LDLRAP1: variants seen among roughly 807,000 people sequenced by gnomAD.
The protein encoded by LDLRAP1 is low density lipoprotein receptor adapter protein 1.
LDLRAP1 carries 30 observed loss-of-function variants against 37.8 expected under a neutral mutation model. That is an observed-to-expected ratio of 0.79 (90% CI 0.59 to 1.08). The LOEUF is 1.08. Among genes scored for constraint, LDLRAP1 ranks in the 50% least tolerant of loss-of-function variants. The probability of loss-of-function intolerance (pLI) is 0.00; values close to 1 mark genes in which losing one functional copy is unlikely to be tolerated. For synonymous variants in LDLRAP1, 156 were observed against 169.8 expected (o/e 0.92, Z 0.63); for missense variants, 375 against 401.6 (o/e 0.93, Z 0.57).
chr1:25,560,244 C>T (rs1241697492), intron 4 of LDLRAP1, among the ~76,000 whole-genome samples: 1 of 152,120 alleles, frequency 6.6e-6, no homozygotes, highest in African/African-American at 2.4e-5. Context: ...GGCCTTGAAT[C>T]GGGATGTTGA....
chr1:25,546,796 C>A (rs2043944627), intron 1 of LDLRAP1, among the ~76,000 whole-genome samples: 1 of 151,454 alleles, frequency 6.6e-6, no homozygotes, highest in Non-Finnish European at 1.5e-5. Context: ...TGTGGCCCAA[C>A]ACAAATTCAT....
At position 25,543,743 on chromosome 1, in the gene LDLRAP1, C is replaced by T. The variant is rs1057515534; in HGVS notation, c.45C>T (p.Pro15=). The change falls in exon 1 of 9, where the codon CCC becomes CCT. Residue 15 remains proline, a synonymous_variant. Transcript: ENST00000374338. ...KSAGRALIRS[P]SLAKQSWGGG... ...CGGGGCGGGCGCTGATCCGGAGCCC[C>T]AGCTTGGCCAAGCAGAGCTGGGGGG... is the stretch of plus-strand genomic sequence containing the variant. 4 of 1,212,518 alleles carry T rather than the reference C, an allele frequency of 3.3e-6. No individual in the cohort carries two copies. The highest frequency in any genetic ancestry group is 4.1e-6 in the Non-Finnish European group (4 of 975,596). The allele number at this position is 1,212,518 out of a possible 1,614,324, so 75.1% of individuals were successfully genotyped here. A position where few individuals can be genotyped will look rare whatever the true frequency, so the allele number is the denominator to read the frequency against.
chr1:25,563,073 AAG>A lies in LDLRAP1; in HGVS notation c.540_541del (p.Lys181GlufsTer39), dbSNP rs1252720524. 6.2e-7 allele frequency: 1 copy of A among 1,614,036 alleles called. No homozygotes were observed. Among genetic ancestry groups the A allele is most frequent in the South Asian group, 1.1e-5 (1 of 91,076 alleles). On this transcript the variant is annotated frameshift_variant, in exon 6 of 9. Transcript: ENST00000374338. LOFTEE classifies it high-confidence loss of function. ...ATGTTGTGCCTTGGTCCTGCAGAGA[AAG>A]AGAAGAGGGACAAAGCCAGCCAAGA... is the stretch of plus-strand genomic sequence containing the variant.
At chr1:25,572,187 C>G (rs2044613733), downstream of LDLRAP1, among the ~76,000 whole-genome samples, 1 of 152,224 alleles carries the variant, frequency 6.6e-6, no homozygotes, top group African/African-American at 2.4e-5. Flanking sequence ...GCCTCAGTGC[C>G]CAGCCTAGCA....
At chr1:25,564,884 C>G (rs2044435624) in intron 7 of LDLRAP1, 2 of 457,662 alleles carry the variant, frequency 4.4e-6, no homozygotes, top group East Asian at 3.8e-5. Context: ...AGTGACTTGC[C>G]CAAGGTCTCA....
the LDLRAP1 span, among the ~76,000 whole-genome samples, chr1:25,583,418 T>C: frequency 6.6e-6 from 1 of 152,044 alleles, no homozygotes; most frequent in East Asian, 1.9e-4. Context: ...GTCTCGAACT[T>C]CTGACCTCAA....
the LDLRAP1 span, among the ~76,000 whole-genome samples, chr1:25,583,374 G>T: frequency 4.0e-5 from 6 of 151,742 alleles, no homozygotes; most frequent in Non-Finnish European, 7.4e-5. Context: ...TACTTTTTTA[G>T]TAGAGATGGG....
chr1:25,557,732 G>A (rs776504259), intron 4 of LDLRAP1, among the ~76,000 whole-genome samples: 1 of 151,950 alleles, frequency 6.6e-6, no homozygotes, highest in Admixed American at 6.6e-5. Context: ...GGTGCCTCCT[G>A]TGAGTTCATT....
At chr1:25,578,208 G>A in the LDLRAP1 span, among the ~76,000 whole-genome samples, 1 of 152,190 alleles carries the variant, frequency 6.6e-6, no homozygotes, top group Non-Finnish European at 1.5e-5. Context: ...GGTGACCGTT[G>A]ACTAAAGACA....
At chr1:25,565,089 C>T in intron 7 of LDLRAP1, 84 bp from the exon 8 acceptor site, 2 of 1,481,958 alleles carry the variant, frequency 1.3e-6, no homozygotes, top group Admixed American at 1.7e-5. Flanking sequence ...GTCCCTGTAG[C>T]TTACCCAGGG....
At position 25,560,918 on chromosome 1, in the gene LDLRAP1, T is replaced by C. The variant is rs1195353612; in HGVS notation, c.460-1726T>C. Among the ~76,000 whole-genome samples the C allele has an allele frequency of 5.3e-5, 8 of 152,346 alleles. 1 individual carries two copies. The South Asian group carries it at 1.7e-3, about 32-fold the overall frequency. On this transcript the variant is annotated intron_variant, in intron 4 of 8. Transcript: ENST00000374338. Reference sequence around the variant, plus strand: ...CCCCAGGAAGCAGGGCCCACCCCACTCCCAGTCCCTGCCCAGCCTGGGCTT... The same window carrying C: ...CCCCAGGAAGCAGGGCCCACCCCACCCCCAGTCCCTGCCCAGCCTGGGCTT...
downstream of LDLRAP1, among the ~76,000 whole-genome samples, chr1:25,572,416 A>G (rs189266925): frequency 6.6e-6 from 1 of 152,116 alleles, no homozygotes; most frequent in African/African-American, 2.4e-5. Flanking sequence ...TCCGTCACAC[A>G]CAGCCGATGG....
intron 1 of LDLRAP1, among the ~76,000 whole-genome samples, chr1:25,547,422 G>T (rs2043960900): frequency 6.6e-6 from 1 of 152,008 alleles, no homozygotes; most frequent in Non-Finnish European, 1.5e-5. Context: ...GGCAGAGGTT[G>T]CAGTGAGCCG....
the LDLRAP1 span, among the ~76,000 whole-genome samples, chr1:25,576,920 G>C: frequency 6.6e-6 from 1 of 152,222 alleles, no homozygotes; most frequent in Non-Finnish European, 1.5e-5. Flanking sequence ...CTGAGACACA[G>C]ACCCAAGGAG....
Position 25,543,688 on chromosome 1 carries a change from C to G in LDLRAP1, c.-11C>G. 2 of 1,214,606 alleles carry G rather than the reference C, an allele frequency of 1.6e-6. No homozygotes were observed. The highest frequency in any genetic ancestry group is 1.0e-6 in the Non-Finnish European group (1 of 977,144). 75.2% of individuals were successfully genotyped at this position (1,214,606 alleles called of 1,614,324 possible). A position where few individuals can be genotyped will look rare whatever the true frequency, so the allele number is the denominator to read the frequency against. On this transcript the variant is annotated 5_prime_UTR_variant, in exon 1 of 9. Transcript: ENST00000374338. The stretch of plus-strand genomic sequence containing the variant: ...TGGCTGCGGCAGCGGCGGCGGCGGC[C>G]GGAGCGGGCCATGGACGCGCTCAAG...
chr1:25,562,881 G>A lies in LDLRAP1; in HGVS notation c.532+165G>A, dbSNP rs1572051815. On this transcript the variant is annotated intron_variant, in intron 5 of 8. Transcript: ENST00000374338. ...TCTCGGTTTTCCCATCTGAAAAATG[G>A]GAACAGCCGTCTCCCTCCCCAAAGG... 1.1e-5 allele frequency: 9 copies of A among 808,998 alleles called. No homozygotes were observed. In the East Asian group the frequency reaches 2.4e-4, roughly 21 times the overall value. 50.1% of individuals were successfully genotyped at this position (808,998 alleles called of 1,614,324 possible).
the LDLRAP1 span, among the ~76,000 whole-genome samples, chr1:25,589,348 G>A: frequency 6.6e-6 from 1 of 151,350 alleles, no homozygotes; most frequent in African/African-American, 2.5e-5. Context: ...AAGGGCTGGG[G>A]GTGAGCAACA....
At chr1:25,578,844 T>C in the LDLRAP1 span, among the ~76,000 whole-genome samples, 2 of 152,300 alleles carry the variant, frequency 1.3e-5, no homozygotes, top group South Asian at 2.1e-4. Flanking sequence ...TTAAAGAATA[T>C]AGTGACTCAG....
chr1:25,557,932 C>T (rs752713581), intron 4 of LDLRAP1, among the ~76,000 whole-genome samples: 19 of 151,904 alleles, frequency 1.3e-4, no homozygotes, highest in Non-Finnish European at 2.6e-4. Flanking sequence ...TCCCAGAGGC[C>T]AGCTATCTTG....
Sources: allele counts gnomAD v4.1 joint callset (sites outside exome capture counted in the v4.1 genomes callset), GRCh38; gene constraint gnomAD v4.1.1; transcripts MANE v1.5; gene names NCBI Gene and HGNC (gene_info 2026-07-23, HGNC 2026-07-21).